SIDT1: variants seen among roughly 807,000 people sequenced by gnomAD.
SIDT1 encodes SID1 transmembrane family member 1.
Under a neutral mutation model 107.5 loss-of-function variants are expected in SIDT1, and 101 were observed. That is an observed-to-expected ratio of 0.94 (90% confidence interval 0.80 to 1.11). The LOEUF (loss-of-function observed/expected upper bound fraction) is 1.11, where lower values mean the gene tolerates loss of function less well. Ranked by LOEUF, SIDT1 falls within the 50% of genes least tolerant of loss-of-function variation. SIDT1 has a pLI of 0.00. For missense variants in SIDT1, 1,076 were observed against 1,058.2 expected (o/e 1.02, Z -0.23); for synonymous variants, 395 against 398.2 (o/e 0.99, Z 0.10).
At position 113,603,141 on chromosome 3, in the gene SIDT1, C is replaced by G. The variant is rs759907733; in HGVS notation, c.1254C>G (p.Ile418Met). Residue 418 changes from isoleucine to methionine, a missense_variant, in exon 12 of 25, where the codon ATC becomes ATG. Physicochemically the swap from Ile to Met is conservative, Grantham distance 10 (BLOSUM62 1). Coordinates refer to ENST00000264852, the MANE Select transcript of SIDT1 (RefSeq NM_017699.3). ...MPDIESDKNI[I>M]RTKMFLYLSD... ...ACATTGAGAGTGATAAAAACATCAT[C>G]CGGACCAAGGTACCCACTCTGCCTC... The G allele has an allele frequency of 1.7e-5, 27 of 1,613,606 alleles. 1 individual carries two copies. In the South Asian group the frequency reaches 3.0e-4, roughly 18 times the overall value.
In SIDT1 at chr3:113,566,526, T is replaced by C. The variant is rs749873476; in HGVS notation, c.329T>C (p.Leu110Pro). The C allele has an allele frequency of 6.2e-7, 1 of 1,614,020 alleles. No individual in the cohort carries two copies. Among genetic ancestry groups the C allele is most frequent in the Non-Finnish European group, 8.5e-7 (1 of 1,179,994 alleles). ...GAGGTGCTGTCCTGGCAGGTTCCTC[T>C]GCTCTTCCAAGGACTGTAAGTGGGT... The part of the protein sequence containing the change: ...QKEVLSWQVP[L>P]LFQGLYQRSY... Residue 110 changes from leucine (L) to proline (P), a missense_variant, in exon 2 of 25, where the codon CTG becomes CCG. Physicochemically the swap from Leu to Pro is moderately conservative, Grantham distance 98. Transcript: ENST00000264852.
chr3:113,616,280 G>A, intron 20 of SIDT1, 104 bp downstream of exon 20: 6 of 870,316 alleles, frequency 6.9e-6, no homozygotes, highest in Non-Finnish European at 1.2e-5. Context: ...AATCAAGAAG[G>A]CCAGATGGCC....
At chr3:113,583,616 G>T in intron 7 of SIDT1, 120 bp downstream of exon 7, 1 of 600,622 alleles carries the variant, frequency 1.7e-6, no homozygotes, top group East Asian at 2.7e-5. Flanking sequence ...CATCATGATG[G>T]GAAAGGCATC....
chr3:113,627,722 A>C lies in SIDT1; in HGVS notation c.*14A>C. On this transcript the variant is annotated 3_prime_UTR_variant, in exon 25 of 25. Transcript: ENST00000264852. ...CCTGTCTTCTGAACCTCCAACATTAAGAGAGGGGAGGGAGCGATCAATCTT... is the reference window on the plus strand; with the variant it reads ...CCTGTCTTCTGAACCTCCAACATTACGAGAGGGGAGGGAGCGATCAATCTT... 6.2e-7 allele frequency: 1 copy of C among 1,612,492 alleles called. No homozygotes were observed. Among genetic ancestry groups the C allele is most frequent in the Non-Finnish European group, 8.5e-7 (1 of 1,179,350 alleles).
At chr3:113,594,634 T>A (rs1944407232) in intron 10 of SIDT1, among the ~76,000 whole-genome samples, 1 of 152,166 alleles carries the variant, frequency 6.6e-6, no homozygotes, top group African/African-American at 2.4e-5. Flanking sequence ...TTGAGCCAGA[T>A]CATTGTCCAG....
Position 113,566,538 on chromosome 3 carries a change from G to T in SIDT1, c.341G>T (p.Gly114Val). 1.9e-6 allele frequency: 3 copies of T among 1,612,934 alleles called. No individual in the cohort carries two copies. Among genetic ancestry groups the T allele is most frequent in the Middle Eastern group, 1.7e-4 (1 of 6,054 alleles). The change falls in exon 2 of 25, where the codon GGA becomes GTA. Residue 114 changes from glycine to valine, a missense_variant. Gly to Val is a moderately radical substitution (Grantham distance 109). Coordinates refer to ENST00000264852, the MANE Select transcript of SIDT1 (RefSeq NM_017699.3). ...LSWQVPLLFQ[G>V]LYQRSYNYQE... The stretch of plus-strand genomic sequence containing the variant: ...TGGCAGGTTCCTCTGCTCTTCCAAG[G>T]ACTGTAAGTGGGTTTTCTTCCAGGC...
At chr3:113,543,058 T>C (rs112611800) in intron 1 of SIDT1, among the ~76,000 whole-genome samples, 26,231 of 151,684 alleles carry the variant, frequency 0.17, 3,328 homozygotes, top group African/African-American at 0.36. Context: ...CTCCTGCCTC[T>C]GCCTCCCAAA....
Position 113,628,549 on chromosome 3 carries a change from GACTAACCAT to G in SIDT1, c.*847_*855del, listed in dbSNP as rs1047672999. ...TAACAGCAGCAGGAACAAGAGAAAT[GACTAACCAT>G]ACTAAAAGACTGGTAACAGCAGCAG... is the stretch of plus-strand genomic sequence containing the variant. On this transcript the variant is annotated 3_prime_UTR_variant, in exon 25 of 25. Coordinates refer to ENST00000264852, the MANE Select transcript of SIDT1 (RefSeq NM_017699.3). 6.5e-6 allele frequency: 1 copy of G among 152,898 alleles called. No homozygotes were observed. The highest frequency in any genetic ancestry group is 2.4e-5 in the African/African-American group (1 of 41,466). 9.5% of individuals were successfully genotyped at this position (152,898 alleles called of 1,614,324 possible). A position where few individuals can be genotyped will look rare whatever the true frequency, so the allele number is the denominator to read the frequency against.
intron 1 of SIDT1, 83 bp from the exon 2 acceptor site, chr3:113,566,337 T>G: frequency 7.5e-7 from 1 of 1,325,710 alleles, no homozygotes; most frequent in Non-Finnish European, 1.1e-6. Flanking sequence ...TTTGTGTGTG[T>G]TTGTGTGTGT....
At chr3:113,602,937 T>C in intron 11 of SIDT1, 68 bp from the exon 12 acceptor site, 2 of 1,556,636 alleles carry the variant, frequency 1.3e-6, no homozygotes, top group Non-Finnish European at 1.7e-6. Flanking sequence ...CTGTGCTTTT[T>C]GCAGAGACGA....
intron 1 of SIDT1, among the ~76,000 whole-genome samples, chr3:113,564,042 G>A (rs187109058): frequency 6.6e-6 from 1 of 152,166 alleles, no homozygotes; most frequent in East Asian, 1.9e-4. Flanking sequence ...TCTGCCTCCT[G>A]GGTTCAAGCG....
chr3:113,622,727 GTATT>G (rs1427030496), intron 21 of SIDT1, among the ~76,000 whole-genome samples: 1 of 152,108 alleles, frequency 6.6e-6, no homozygotes, highest in African/African-American at 2.4e-5. Context: ...ATGTCTGAAA[GTATT>G]TATTTATTCA....
At chr3:113,616,054 T>G in intron 19 of SIDT1, 46 bp from the exon 20 acceptor site, 1 of 1,359,142 alleles carries the variant, frequency 7.4e-7, no homozygotes. Context: ...AGTATTTGTA[T>G]TTTTGTTGAC....
At chr3:113,583,128 A>G (rs1943483625) in intron 6 of SIDT1, among the ~76,000 whole-genome samples, 2 of 152,242 alleles carry the variant, frequency 1.3e-5, no homozygotes, top group South Asian at 2.1e-4. Flanking sequence ...TATTATTTAT[A>G]TGGTGCTTAT....
rs193175696 is a variant in SIDT1, at chr3:113,565,258, G to A, written c.223-1162G>A. 1.2e-4 allele frequency among the ~76,000 whole-genome samples: 18 copies of A among 152,176 alleles called. No homozygotes were observed. In the East Asian group the frequency reaches 2.9e-3, roughly 24 times the overall value. On this transcript the variant is annotated intron_variant, in intron 1 of 24. Transcript: ENST00000264852. ...TATAAGAATTGAAAGAAGGCCAGGC[G>A]CAGTGGCTCACACCTGTAATCCCAG...
intron 3 of SIDT1, among the ~76,000 whole-genome samples, chr3:113,568,802 C>T (rs1942172723): frequency 6.6e-6 from 1 of 151,964 alleles, no homozygotes; most frequent in African/African-American, 2.4e-5. Flanking sequence ...CAAACTATTG[C>T]TATACCCAAC....
intron 20 of SIDT1, among the ~76,000 whole-genome samples, chr3:113,616,592 A>G (rs898998959): frequency 3.3e-5 from 5 of 152,166 alleles, no homozygotes; most frequent in African/African-American, 1.2e-4. Context: ...TCTGTGTAGC[A>G]AAACCACCAT....
At chr3:113,627,228 T>C (rs190456042) in intron 24 of SIDT1, among the ~76,000 whole-genome samples, 1 of 152,144 alleles carries the variant, frequency 6.6e-6, no homozygotes, top group African/African-American at 2.4e-5. Flanking sequence ...CCTATCAAAA[T>C]TTTTTACCTC....
downstream of SIDT1, among the ~76,000 whole-genome samples, chr3:113,630,002 A>C (rs143676084): frequency 2.7e-3 from 411 of 152,334 alleles, 2 homozygotes; most frequent in African/African-American, 9.4e-3. Context: ...TAGGATTTAC[A>C]CAAGGGCTGG....
Sources: gnomAD v4.1 joint callset for allele counts (sites outside exome capture counted in the v4.1 genomes callset) on GRCh38, gnomAD v4.1.1 for gene constraint, MANE v1.5 for transcripts, NCBI Gene and HGNC (gene_info 2026-07-23, HGNC 2026-07-21) for gene names.